Variants in OSBPL3 observed in about 807,000 individuals in gnomAD.
OSBPL3 encodes the protein oxysterol binding protein like 3.
A neutral mutation model predicts 120.1 loss-of-function variants in OSBPL3; 65 were observed. That is an observed-to-expected ratio of 0.54 (90% CI 0.44 to 0.67). OSBPL3 has a LOEUF of 0.67. Ranked by LOEUF, OSBPL3 falls within the 30% of genes least tolerant of loss-of-function variation. The pLI is 0.00. For missense variants in OSBPL3, 1,004 were observed against 1,082.1 expected (o/e 0.93, Z 1.01); for synonymous variants, 416 against 402.6 (o/e 1.03, Z -0.40).
In OSBPL3 at chr7:24,862,847, C is replaced by T. The variant is rs1221575872; in HGVS notation, c.870+353G>A. Among the ~76,000 whole-genome samples the T allele has an allele frequency of 6.6e-6, 1 of 152,134 alleles. No individual in the cohort carries two copies. The highest frequency in any genetic ancestry group is 1.5e-5 in the Non-Finnish European group (1 of 68,032). On this transcript the variant is annotated intron_variant, in intron 9 of 22. Coordinates refer to ENST00000313367, the MANE Select transcript of OSBPL3 (RefSeq NM_015550.4). This position sits in a 1 kb window ranked among gnomAD's most constrained non-coding sequence, Gnocchi z 4.4. ...AGCGGAAGACACAGGTCACAGCACA[C>T]AGCAACTGCAGCCACAAAACAAGGC...
upstream of OSBPL3, among the ~76,000 whole-genome samples, chr7:24,981,081 G>A (rs895012453): frequency 2.0e-5 from 3 of 152,182 alleles, no homozygotes; most frequent in Non-Finnish European, 2.9e-5. The surrounding 1 kb of genome is among the most constrained non-coding windows in gnomAD (Gnocchi z 7.3). Context: ...TGTGAGAAAG[G>A]CGCACCAGGC....
At chr7:24,904,716 G>C (rs1447075424) in intron 1 of OSBPL3, among the ~76,000 whole-genome samples, 2 of 151,964 alleles carry the variant, frequency 1.3e-5, no homozygotes, top group Admixed American at 6.6e-5. Flanking sequence ...GATGACTCTG[G>C]AAGACATTAC....
In OSBPL3 at chr7:24,834,731, C is replaced by T. The variant is rs1444182009; in HGVS notation, c.1501G>A (p.Val501Ile). The change falls in exon 15 of 23, where the codon GTC (valine) becomes ATC (isoleucine). Residue 501 changes from valine to isoleucine, a missense_variant. By Grantham distance (29) the Val-to-Ile change is conservative. Transcript: ENST00000313367. The surrounding 1 kb of genome is among the most constrained non-coding windows in gnomAD (Gnocchi z 5.2). ...TTCGCTTCCCGACCACTATCAAGGA[C>T]AGGCCCTGAAAGGGAAAGAGGCCTG... ...LDNERQTLGP[V>I]LDSGREAKSR... 2 of 1,606,082 alleles carry T rather than the reference C, an allele frequency of 1.2e-6. No homozygotes were observed. Among genetic ancestry groups the T allele is most frequent in the South Asian group, 1.1e-5 (1 of 89,978 alleles).
At chr7:24,811,856 T>C (rs1793840991) in intron 19 of OSBPL3, among the ~76,000 whole-genome samples, 2 of 152,258 alleles carry the variant, frequency 1.3e-5, no homozygotes, top group East Asian at 1.9e-4. Context: ...CATTGGTCTA[T>C]GTATCTGTTT....
At chr7:24,921,209 A>C (rs1340969091) in intron 1 of OSBPL3, among the ~76,000 whole-genome samples, 3 of 151,874 alleles carry the variant, frequency 2.0e-5, no homozygotes, top group Non-Finnish European at 4.4e-5. Flanking sequence ...CATTAAAAAA[A>C]AAGTTACAAC....
intron 1 of OSBPL3, among the ~76,000 whole-genome samples, chr7:24,927,508 AAAG>A (rs754330418): frequency 6.6e-6 from 1 of 152,188 alleles, no homozygotes; most frequent in Non-Finnish European, 1.5e-5. Context: ...TTTGGTGACT[AAAG>A]AAGAATTAAT....
intron 1 of OSBPL3, among the ~76,000 whole-genome samples, chr7:24,974,832 G>A (rs1390684134): frequency 6.6e-6 from 1 of 152,204 alleles, no homozygotes; most frequent in African/African-American, 2.4e-5. Context: ...AGTGGGTGGG[G>A]ATTAGGGGAA....
At chr7:24,907,579 C>G (rs529561667) in intron 1 of OSBPL3, among the ~76,000 whole-genome samples, 1 of 152,224 alleles carries the variant, frequency 6.6e-6, no homozygotes, top group African/African-American at 2.4e-5. Context: ...TCTGCACTCT[C>G]CCTTTCTCCT....
intron 1 of OSBPL3, among the ~76,000 whole-genome samples, chr7:24,924,693 G>A (rs1489974258): frequency 6.6e-6 from 1 of 152,174 alleles, no homozygotes; most frequent in Non-Finnish European, 1.5e-5. Context: ...ATTTTTAAGT[G>A]TTTGGGTGAC....
chr7:24,831,655 G>T lies in OSBPL3; in HGVS notation c.1747-750C>A, dbSNP rs1387748930. ...TTACCTTCTTTGTCTTTTCTTCCAT[G>T]TATGTAACAACAGTTAAGCCTAAGC... is the stretch of plus-strand genomic sequence containing the variant. On this transcript the variant is annotated intron_variant, in intron 15 of 22. Transcript: ENST00000313367. This position sits in a 1 kb window ranked among gnomAD's most constrained non-coding sequence, Gnocchi z 4.0. Among the ~76,000 whole-genome samples the T allele has an allele frequency of 6.6e-6, 1 of 152,188 alleles. No homozygotes were observed. The highest frequency in any genetic ancestry group is 2.4e-5 in the African/African-American group (1 of 41,448).
rs1220835384 is a variant in OSBPL3, at chr7:24,863,359, T to C, written c.778-67A>G. On this transcript the variant is annotated intron_variant, in intron 8 of 22. Coordinates refer to ENST00000313367, the MANE Select transcript of OSBPL3 (RefSeq NM_015550.4). The surrounding 1 kb of genome is among the most constrained non-coding windows in gnomAD (Gnocchi z 5.8). ...CACCAAACCGACAAGGATAAATGCA[T>C]AGCAAAGTGACCACCTCCATCCCCT... 2.8e-6 allele frequency: 4 copies of C among 1,446,778 alleles called. No individual in the cohort carries two copies. The highest frequency in any genetic ancestry group is 1.1e-5 in the South Asian group (1 of 87,664). 89.6% of individuals were successfully genotyped at this position (1,446,778 alleles called of 1,614,324 possible). A position where few individuals can be genotyped will look rare whatever the true frequency, so the allele number is the denominator to read the frequency against.
chr7:24,842,410 T>G lies in OSBPL3; in HGVS notation c.1270A>C (p.Asn424His). The change falls in exon 13 of 23, where the codon AAC (asparagine) becomes CAC (histidine). Residue 424 changes from asparagine (N) to histidine (H), a missense_variant. By Grantham distance (68) the Asn-to-His change is moderately conservative. This residue lies in a region of OSBPL3 where 272 missense variants were observed against 248.8 expected (regional missense o/e 1.09). Transcript: ENST00000313367. ...AGAGCTCGGTTTTCATCTCTGGAGT[T>G]TTCCTATTTGAAGAACAAAACCAAA... ...AKSGDNLAEE[N>H]SRDENRALVH... is the part of the protein sequence containing the mutation. 1 of 1,592,352 alleles carries G rather than the reference T, an allele frequency of 6.3e-7. No individual in the cohort carries two copies. The highest frequency in any genetic ancestry group is 8.5e-7 in the Non-Finnish European group (1 of 1,174,106).
chr7:24,837,529 TC>T (rs1159685691), intron 14 of OSBPL3, among the ~76,000 whole-genome samples: 1 of 152,202 alleles, frequency 6.6e-6, no homozygotes, highest in Non-Finnish European at 1.5e-5. Context: ...AAACAATTTT[TC>T]ATGTAGTCTC....
Position 24,939,535 on chromosome 7 carries a change from A to G in OSBPL3, c.-150+40351T>C, listed in dbSNP as rs113387839. ...AAGTTAACATGTTGCATGTTTTAAA[A>G]AATTAAACACGCAGGAAGAAAAGAC... On this transcript the variant is annotated intron_variant, in intron 1 of 22. Transcript: ENST00000313367. The surrounding 1 kb of genome is among the most constrained non-coding windows in gnomAD (Gnocchi z 4.2). Among the ~76,000 whole-genome samples the G allele has an allele frequency of 5.3e-5, 8 of 152,350 alleles. No homozygotes were observed. Among genetic ancestry groups the G allele is most frequent in the African/African-American group, 1.9e-4 (8 of 41,578 alleles).
rs71675250 is a variant in OSBPL3, at chr7:24,839,991, C to CAAAAAAAAA, written c.1495+690_1495+698dup. Among the ~76,000 whole-genome samples, 112 of 53,272 alleles carry CAAAAAAAAA rather than the reference C, an allele frequency of 2.1e-3. 5 individuals are homozygous for CAAAAAAAAA. The highest frequency in any genetic ancestry group is 4.9e-3 in the East Asian group (9 of 1,838). 34.9% of individuals were successfully genotyped at this position (53,272 alleles called of 152,430 possible). A position where few individuals can be genotyped will look rare whatever the true frequency, so the allele number is the denominator to read the frequency against. On this transcript the variant is annotated intron_variant, in intron 14 of 22. Transcript: ENST00000313367. Reference sequence around the variant, plus strand: ...GGGGACAGAAAGAGACTCCATCTCACAAAAAAAAAAAAAAAAAAAAAAAAA... The same window carrying CAAAAAAAAA: ...GGGGACAGAAAGAGACTCCATCTCACAAAAAAAAAAAAAAAAAAAAAAAAAAAAAAAAAA...
chr7:24,852,237 T>C lies in OSBPL3; in HGVS notation c.1158+267A>G, dbSNP rs886187633. Among the ~76,000 whole-genome samples the C allele has an allele frequency of 6.6e-6, 1 of 151,978 alleles. No individual in the cohort carries two copies. Among genetic ancestry groups the C allele is most frequent in the African/African-American group, 2.4e-5 (1 of 41,366 alleles). On this transcript the variant is annotated intron_variant, in intron 11 of 22. Transcript: ENST00000313367. This position sits in a 1 kb window ranked among gnomAD's most constrained non-coding sequence, Gnocchi z 4.1. ...CACACATACACACAAAAACGTACAATAAAAATGTTAGAGAAACAAAAAAAT... is the reference window on the plus strand; with the variant it reads ...CACACATACACACAAAAACGTACAACAAAAATGTTAGAGAAACAAAAAAAT...
At chr7:24,838,556 G>A (rs1797300759) in intron 14 of OSBPL3, among the ~76,000 whole-genome samples, 1 of 152,192 alleles carries the variant, frequency 6.6e-6, no homozygotes, top group Middle Eastern at 3.2e-3. Context: ...AACTACGACA[G>A]AACCAGCTCT....
At chr7:24,928,826 G>A (rs1301212886) in intron 1 of OSBPL3, among the ~76,000 whole-genome samples, 1 of 152,142 alleles carries the variant, frequency 6.6e-6, no homozygotes, top group East Asian at 1.9e-4. Flanking sequence ...TTTCAGCCAT[G>A]TTGTTGCTAA....
Position 24,972,545 on chromosome 7 carries a change from T to C in OSBPL3, c.-150+7341A>G, listed in dbSNP as rs993743902. Among the ~76,000 whole-genome samples, 4 of 152,218 alleles carry C rather than the reference T, an allele frequency of 2.6e-5. No individual in the cohort carries two copies. The East Asian group carries it at 7.7e-4, about 29-fold the overall frequency. On this transcript the variant is annotated intron_variant, in intron 1 of 22. Coordinates refer to ENST00000313367, the MANE Select transcript of OSBPL3 (RefSeq NM_015550.4). This position sits in a 1 kb window ranked among gnomAD's most constrained non-coding sequence, Gnocchi z 4.3. ...AAGCTCCTTGAAGGGAGGTTCCACA[T>C]CTGTTCAATTCATCGCCACATCCCC...
Sources: gnomAD v4.1 joint callset for allele counts (sites outside exome capture counted in the v4.1 genomes callset) on GRCh38, gnomAD v4.1.1 for gene constraint, gnomAD v4.1.1 regional missense constraint, Gnocchi (gnomAD v3.1) non-coding constraint, MANE v1.5 for transcripts, NCBI Gene and HGNC (gene_info 2026-07-23, HGNC 2026-07-21) for gene names.